Variants in TRDN observed in about 807,000 individuals in gnomAD.
TRDN encodes the protein triadin.
A neutral mutation model predicts 149.7 loss-of-function variants in TRDN; 161 were observed. The observed-to-expected ratio is 1.08, with a 90% confidence interval of 0.95 to 1.23. The LOEUF (loss-of-function observed/expected upper bound fraction) is 1.23. Among genes scored for constraint, TRDN ranks in the 50% most tolerant of loss-of-function variants. The probability of loss-of-function intolerance (pLI) is 0.00; values close to 1 mark genes in which losing one functional copy is unlikely to be tolerated. For synonymous variants in TRDN, 294 were observed against 250.5 expected (o/e 1.17, Z -1.64); for missense variants, 896 against 823.5 (o/e 1.09, Z -1.08).
chr6:123,317,174 A>C (rs534443994), intron 23 of TRDN, among the ~76,000 whole-genome samples: 1 of 151,924 alleles, frequency 6.6e-6, no homozygotes, highest in South Asian at 2.1e-4. Flanking sequence ...CTAATCAATA[A>C]GATAGTTGAC....
intron 32 of TRDN, among the ~76,000 whole-genome samples, chr6:123,266,656 G>A (rs1777003977): frequency 1.1e-4 from 3 of 27,284 alleles, no homozygotes; most frequent in Admixed American, 9.6e-4. Context: ...ATAATAATAT[G>A]TATAATATGT....
intron 12 of TRDN, among the ~76,000 whole-genome samples, chr6:123,424,425 T>C (rs574860043): frequency 6.6e-6 from 1 of 152,174 alleles, no homozygotes; most frequent in Non-Finnish European, 1.5e-5. Flanking sequence ...CATTATGTTT[T>C]CATAGGCCCT....
chr6:123,305,446 T>C (rs767966334), intron 24 of TRDN, among the ~76,000 whole-genome samples: 2 of 152,170 alleles, frequency 1.3e-5, no homozygotes, highest in Non-Finnish European at 2.9e-5. Flanking sequence ...TTCCTCCAAT[T>C]CAACTTTCTT....
intron 24 of TRDN, among the ~76,000 whole-genome samples, chr6:123,281,808 C>A (rs1035718870): frequency 6.6e-6 from 1 of 152,024 alleles, no homozygotes; most frequent in African/African-American, 2.4e-5. Flanking sequence ...TGTCTACATG[C>A]CATGTCCTAT....
At chr6:123,457,453 T>C in intron 10 of TRDN, 2 of 341,508 alleles carry the variant, frequency 5.9e-6, no homozygotes, top group Non-Finnish European at 1.1e-5. Context: ...AAAACCAATA[T>C]AACAAAAGAA....
At position 123,474,652 on chromosome 6, in the gene TRDN, C is replaced by G. The variant is rs1250352056; in HGVS notation, c.854-9669G>C. Among the ~76,000 whole-genome samples the G allele has an allele frequency of 1.7e-4, 26 of 151,850 alleles. 1 individual carries two copies. The highest frequency in any genetic ancestry group is 3.4e-4 in the Non-Finnish European group (23 of 67,976). Reference sequence around the variant, plus strand: ...TTTCAGCACCACACCACACCTATTCCAAAATTGACCACATACTTGGAAGTA... The same window carrying G: ...TTTCAGCACCACACCACACCTATTCGAAAATTGACCACATACTTGGAAGTA... On this transcript the variant is annotated intron_variant, in intron 9 of 40. Transcript: ENST00000334268.
intron 9 of TRDN, among the ~76,000 whole-genome samples, chr6:123,491,035 G>A (rs1417558392): frequency 6.6e-6 from 1 of 151,736 alleles, no homozygotes; most frequent in African/African-American, 2.4e-5. Context: ...GAACCCGGGA[G>A]GCAGAGGTTG....
At chr6:123,498,763 T>C (rs908590466) in intron 8 of TRDN, 8 of 367,106 alleles carry the variant, frequency 2.2e-5, no homozygotes, top group Non-Finnish European at 4.5e-5. Flanking sequence ...CAAAGCAAGA[T>C]GAAAAAGTAC....
intron 24 of TRDN, 87 bp downstream of exon 24, chr6:123,316,370 C>T: frequency 1.6e-6 from 2 of 1,271,886 alleles, no homozygotes; most frequent in Non-Finnish European, 1.1e-6. Flanking sequence ...ATATTTTATC[C>T]AGCCAGGATT....
intron 22 of TRDN, among the ~76,000 whole-genome samples, chr6:123,336,506 A>T (rs993218735): frequency 6.6e-6 from 1 of 151,990 alleles, no homozygotes; most frequent in Admixed American, 6.6e-5. Flanking sequence ...TTCTCCAGGA[A>T]AAAACTTCCT....
chr6:123,624,101 C>A lies in TRDN; in HGVS notation c.22+12653G>T, dbSNP rs114068865. On this transcript the variant is annotated intron_variant, in intron 1 of 40. Coordinates refer to ENST00000334268, the MANE Select transcript of TRDN (RefSeq NM_006073.4). The stretch of plus-strand genomic sequence containing the variant: ...TTTCATCCTTAGAATTAAAACAGTA[C>A]CTGGCAAAAGTAGATACCAAAAATA... Among the ~76,000 whole-genome samples the A allele has an allele frequency of 1.7e-3, 262 of 152,168 alleles. 1 individual carries two copies. Among genetic ancestry groups the A allele is most frequent in the African/African-American group, 6.2e-3 (256 of 41,520 alleles).
At chr6:123,512,177 T>C (rs772863788) in intron 7 of TRDN, 126 bp downstream of exon 7, 16 of 545,524 alleles carry the variant, frequency 2.9e-5, no homozygotes, top group Non-Finnish European at 4.5e-5. Flanking sequence ...ATTTTAAAGG[T>C]AAGACCAAAT....
intron 39 of TRDN, among the ~76,000 whole-genome samples, chr6:123,223,021 G>A (rs1775209569): frequency 6.6e-6 from 1 of 151,744 alleles, no homozygotes; most frequent in Non-Finnish European, 1.5e-5. Flanking sequence ...CTTGCAGAGA[G>A]AAGAGAACAC....
chr6:123,271,197 A>G lies in TRDN; in HGVS notation c.1673-11T>C. 6.6e-7 allele frequency: 1 copy of G among 1,520,682 alleles called. No individual in the cohort carries two copies. The highest frequency in any genetic ancestry group is 8.8e-7 in the Non-Finnish European group (1 of 1,133,140). 94.2% of individuals were successfully genotyped at this position (1,520,682 alleles called of 1,614,324 possible). Reference sequence around the variant, plus strand: ...TGAGAACTTTTTCTTCTGTGATAGGAAAAAATGTTAACACAAGTAGGAAAT... The same window carrying G: ...TGAGAACTTTTTCTTCTGTGATAGGGAAAAATGTTAACACAAGTAGGAAAT... On this transcript the variant is annotated splice_polypyrimidine_tract_variant and intron_variant, in intron 29 of 40. Transcript: ENST00000334268.
chr6:123,536,197 A>G (rs1270314972), intron 4 of TRDN, among the ~76,000 whole-genome samples: 1 of 152,150 alleles, frequency 6.6e-6, no homozygotes, highest in Non-Finnish European at 1.5e-5. Flanking sequence ...TCTCTCACTA[A>G]ATAACTAAAT....
rs577463934 is a variant in TRDN at position 123,628,563 on chromosome 6, C to T, written c.22+8191G>A. Among the ~76,000 whole-genome samples the T allele has an allele frequency of 2.3e-4, 35 of 152,092 alleles. 1 individual carries two copies. The South Asian group carries it at 6.9e-3, about 30-fold the overall frequency. On this transcript the variant is annotated intron_variant, in intron 1 of 40. Transcript: ENST00000334268. ...CACAGAGACAGGAAATGAACGCATG[C>T]TGTTGGAAAAATGGTGGTGATAGCT...
chr6:123,375,652 TA>T, intron 18 of TRDN, 21 bp from the exon 19 acceptor site: 1 of 1,516,390 alleles, frequency 6.6e-7, no homozygotes, highest in Admixed American at 2.2e-5. Flanking sequence ...CAAGAAATAA[TA>T]AGGTCAACAG....
At chr6:123,343,866 A>T (rs540659062) in intron 21 of TRDN, among the ~76,000 whole-genome samples, 13 of 152,166 alleles carry the variant, frequency 8.5e-5, no homozygotes, top group African/African-American at 3.1e-4. Context: ...TTCAAAATTC[A>T]TATGTTGAAA....
At chr6:123,467,859 T>G (rs568073030) in intron 9 of TRDN, among the ~76,000 whole-genome samples, 13 of 152,140 alleles carry the variant, frequency 8.5e-5, no homozygotes, top group Non-Finnish European at 1.6e-4. Flanking sequence ...ATCAGAGTTG[T>G]TTAGTATAAA....
Sources: allele counts gnomAD v4.1 joint callset (sites outside exome capture counted in the v4.1 genomes callset), GRCh38; gene constraint gnomAD v4.1.1; transcripts MANE v1.5; gene names NCBI Gene and HGNC (gene_info 2026-07-23, HGNC 2026-07-21).